The following FAT2 variants were observed in gnomAD, a reference collection of about 807,000 sequenced individuals.
FAT2 encodes the protein FAT atypical cadherin 2, also known as protocadherin Fat 2.
A neutral mutation model predicts 295.3 loss-of-function variants in FAT2; 150 were observed. The ratio of observed to expected loss-of-function variants is 0.51; its 90% CI spans 0.44 to 0.58. FAT2 has a LOEUF of 0.58. FAT2 is among the 20% of genes least tolerant of loss of function. The pLI, the probability that FAT2 is intolerant of heterozygous loss-of-function variation, is 0.00. For missense variants in FAT2, 4,868 were observed against 5,442.7 expected, an observed-to-expected ratio of 0.89 and a Z score of 3.32; for synonymous variants, 2,026 against 2,150.3, an observed-to-expected ratio of 0.94 and a Z score of 1.60.
chr5:151,532,936 C>T (rs1458838909), intron 13 of FAT2, among the ~76,000 whole-genome samples: 1 of 152,220 alleles, frequency 6.6e-6, no homozygotes, highest in Non-Finnish European at 1.5e-5. Flanking sequence ...ACATGCCATG[C>T]AACTTCCCCA....
Position 151,556,419 on chromosome 5 carries a change from A to G in FAT2, c.3575-17T>C, listed in dbSNP as rs1409118697. 6.2e-7 allele frequency: 1 copy of G among 1,607,244 alleles called. No homozygotes were observed. Among genetic ancestry groups the G allele is most frequent in the Admixed American group, 1.7e-5 (1 of 59,756 alleles). On this transcript the variant is annotated splice_polypyrimidine_tract_variant and intron_variant, in intron 3 of 23. Transcript: ENST00000261800. ...ATAGGAGACCTGAGAGAGAGATGATAAGGGAGAGACATGAGCAGAAGACTT... is the reference window on the plus strand; with the variant it reads ...ATAGGAGACCTGAGAGAGAGATGATGAGGGAGAGACATGAGCAGAAGACTT...
chr5:151,537,834 T>G lies in FAT2; in HGVS notation c.9152A>C (p.His3051Pro). 1 of 1,614,102 alleles carries G rather than the reference T, an allele frequency of 6.2e-7. No homozygotes were observed. The highest frequency in any genetic ancestry group is 8.5e-7 in the Non-Finnish European group (1 of 1,179,954). The change falls in exon 12 of 24, where the codon CAT becomes CCT. Residue 3051 changes from histidine to proline, a missense_variant. By Grantham distance (77) the His-to-Pro change is moderately conservative. Transcript: ENST00000261800. The part of the protein sequence containing the change: ...DTNAQITYSL[H>P]GPGAHEFKLD... ...CTTGAATTCATGCGCCCCAGGGCCA[T>G]GCAGAGAATATGTGATCTGAGCATT...
intron 21 of FAT2, chr5:151,510,967 T>C (rs536101081): frequency 6.6e-6 from 1 of 152,410 alleles, no homozygotes; most frequent in South Asian, 2.1e-4. Context: ...CATGCAGGGA[T>C]TGGGACTCTA....
intron 6 of FAT2, 47 bp from the exon 7 acceptor site, chr5:151,551,653 G>A (rs1297888776): frequency 3.7e-6 from 6 of 1,606,422 alleles, no homozygotes; most frequent in Non-Finnish European, 5.1e-6. Context: ...AGTGATTTAG[G>A]CAGCATAGCA....
At chr5:151,561,102 T>C (rs1757994398) in intron 3 of FAT2, among the ~76,000 whole-genome samples, 1 of 152,078 alleles carries the variant, frequency 6.6e-6, no homozygotes, top group South Asian at 2.1e-4. Flanking sequence ...AAGGAGTAGG[T>C]GGTGCTGGAA....
intron 15 of FAT2, 125 bp from the exon 16 acceptor site, chr5:151,528,258 T>A (rs11743288): frequency 8.9e-7 from 1 of 1,121,200 alleles, no homozygotes; most frequent in Non-Finnish European, 1.3e-6. Context: ...GGATCACAGT[T>A]GTCCCTGCCA....
At chr5:151,574,428 T>C (rs1213167585) in intron 1 of FAT2, among the ~76,000 whole-genome samples, 1 of 152,162 alleles carries the variant, frequency 6.6e-6, no homozygotes, top group African/African-American at 2.4e-5. Context: ...TGAAAAACCT[T>C]AAAGAGGTGA....
At chr5:151,550,125 G>A (rs1273352956) in intron 8 of FAT2, among the ~76,000 whole-genome samples, 1 of 152,060 alleles carries the variant, frequency 6.6e-6, no homozygotes, top group Non-Finnish European at 1.5e-5. Context: ...AGGCAAGTAG[G>A]GTGCAAAATT....
intron 6 of FAT2, among the ~76,000 whole-genome samples, chr5:151,552,905 C>CT (rs1757347401): frequency 6.6e-6 from 1 of 152,224 alleles, no homozygotes; most frequent in Non-Finnish European, 1.5e-5. Flanking sequence ...CATTTTAGGT[C>CT]TCCTAGGCCC....
rs1760986720 is a variant in FAT2 at position 151,507,510 on chromosome 5, A to G, written c.12161T>C (p.Val4054Ala). The change falls in exon 23 of 24, where the codon GTG (valine) becomes GCG (alanine). Residue 4054 changes from valine to alanine, a missense_variant. By Grantham distance (64) the Val-to-Ala change is moderately conservative. This residue lies in a region of FAT2 where 492 missense variants were observed against 482.6 expected (regional missense o/e 1.02). Transcript: ENST00000261800. Reference protein sequence around the residue: ...WGQQELLIITVAVAFIIISTV... With the variant: ...WGQQELLIITAAVAFIIISTV... ...GCTTATGATAATGAACGCCACGGCC[A>G]CTGTGATGATCAGTAACTCCTGCTG... 1.9e-6 allele frequency: 3 copies of G among 1,614,016 alleles called. No individual in the cohort carries two copies. The highest frequency in any genetic ancestry group is 1.7e-6 in the Non-Finnish European group (2 of 1,180,026).
Position 151,527,270 on chromosome 5 carries a change from C to T in FAT2, c.10272G>A (p.Pro3424=), listed in dbSNP as rs777908507. The change falls in exon 17 of 24, where the codon CCG becomes CCA. Residue 3424 remains proline, a synonymous_variant. Coordinates refer to ENST00000261800, the MANE Select transcript of FAT2 (RefSeq NM_001447.3). The part of the protein sequence containing the change: ...IQVADVNDNP[P]RFFQLNYSTT... ...TGCTGTAGTTGAGCTGGAAGAATCT[C>T]GGTGGGTTATCATTGACATCAGCCA... 73 of 1,612,824 alleles carry T rather than the reference C, an allele frequency of 4.5e-5. No individual in the cohort carries two copies. Among genetic ancestry groups the T allele is most frequent in the African/African-American group, 8.0e-5 (6 of 74,830 alleles).
At chr5:151,532,388 AACACACACACACACAC>A (rs3056512) in intron 13 of FAT2, among the ~76,000 whole-genome samples, 1 of 150,496 alleles carries the variant, frequency 6.6e-6, no homozygotes, top group African/African-American at 2.4e-5. Flanking sequence ...TGCGTGTACA[AACACACACACACACAC>A]ACACACACAC....
chr5:151,582,436 G>A (rs1282034197), intron 1 of FAT2, among the ~76,000 whole-genome samples: 1 of 152,192 alleles, frequency 6.6e-6, no homozygotes, highest in Non-Finnish European at 1.5e-5. Context: ...GAGGGGATGG[G>A]GGTGAGGGTT....
Position 151,563,476 on chromosome 5 carries a change from C to T in FAT2, c.3423G>A (p.Val1141=). The T allele has an allele frequency of 6.2e-7, 1 of 1,614,204 alleles. No individual in the cohort carries two copies. The highest frequency in any genetic ancestry group is 8.5e-7 in the Non-Finnish European group (1 of 1,180,050). Residue 1141 remains valine, a synonymous_variant, in exon 3 of 24, where the codon GTG becomes GTA. Transcript: ENST00000261800. ...CATCCTCCTGGATGGAGGGGTAGAA[C>T]ACAGCTTGGGACATCTGGGGTGGGT... ...NDNPPQMSQA[V]FYPSIQEDAP... is the part of the protein sequence containing the mutation.
intron 1 of FAT2, among the ~76,000 whole-genome samples, chr5:151,578,171 G>C (rs1438980336): frequency 6.6e-6 from 1 of 152,190 alleles, no homozygotes; most frequent in Non-Finnish European, 1.5e-5. Context: ...GACTCTCCAG[G>C]AGGACTAGAA....
intron 1 of FAT2, among the ~76,000 whole-genome samples, chr5:151,583,645 A>G (rs931277413): frequency 6.6e-6 from 1 of 152,176 alleles, no homozygotes; most frequent in African/African-American, 2.4e-5. Flanking sequence ...AAATTCATTG[A>G]GCTGTACACT....
chr5:151,575,313 C>A lies in FAT2; in HGVS notation c.-20-6362G>T, dbSNP rs145893222. On this transcript the variant is annotated intron_variant, in intron 1 of 23. Coordinates refer to ENST00000261800, the MANE Select transcript of FAT2 (RefSeq NM_001447.3). The stretch of plus-strand genomic sequence containing the variant: ...CTATACATTTTCAAATAAGCATTTG[C>A]ATGTGTTATCTCACTTGGTCTTTGG... Among the ~76,000 whole-genome samples, 187 of 152,306 alleles carry A rather than the reference C, an allele frequency of 1.2e-3. 1 individual carries two copies. The highest frequency in any genetic ancestry group is 4.3e-3 in the African/African-American group (180 of 41,558).
chr5:151,567,963 C>T lies in FAT2; in HGVS notation c.969G>A (p.Met323Ile), dbSNP rs901728015. 2 of 1,614,206 alleles carry T rather than the reference C, an allele frequency of 1.2e-6. No homozygotes were observed. The highest frequency in any genetic ancestry group is 2.2e-5 in the South Asian group (2 of 91,084). Residue 323 changes from methionine (M) to isoleucine (I), a missense_variant, in exon 2 of 24, where the codon ATG becomes ATA. This residue lies in a region of FAT2 where 3,297 missense variants were observed against 3,669.4 expected (regional missense o/e 0.90). Coordinates refer to ENST00000261800, the MANE Select transcript of FAT2 (RefSeq NM_001447.3). Reference sequence around the variant, plus strand: ...TGAGGTTGAACCCATGAAGGTACTCCATCCAGTTGATGTCTTTGACAGACA... The same window carrying T: ...TGAGGTTGAACCCATGAAGGTACTCTATCCAGTTGATGTCTTTGACAGACA... ...SLVSVKDINW[M>I]EYLHGFNLSL...
In FAT2 at chr5:151,543,989, T is replaced by A. The variant is rs1458606292; in HGVS notation, c.7138A>T (p.Arg2380Ter). 1 of 1,614,092 alleles carries A rather than the reference T, an allele frequency of 6.2e-7. No individual in the cohort carries two copies. Among genetic ancestry groups the A allele is most frequent in the Non-Finnish European group, 8.5e-7 (1 of 1,180,042 alleles). The change falls in exon 10 of 24, where the codon AGA becomes TGA. Residue 2380 changes from arginine to a stop codon, truncating the protein, a stop_gained. Transcript: ENST00000261800. LOFTEE classifies it high-confidence loss of function. ...ACATTGGCTTCATATTGAGGTTGTC[T>A]GAACTCTGGGGGGTTGTCATTGATA... ...SDINDNPPEF[R>*]QPQYEANVSE...
Sources: allele counts gnomAD v4.1 joint callset (sites outside exome capture counted in the v4.1 genomes callset), GRCh38; gene constraint gnomAD v4.1.1; regional missense constraint gnomAD v4.1.1; transcripts MANE v1.5; gene names NCBI Gene and HGNC (gene_info 2026-07-23, HGNC 2026-07-21).